Variants in PDGFD observed in about 807,000 individuals in gnomAD.
PDGFD encodes the protein platelet-derived growth factor D.
Under a neutral mutation model 44.7 loss-of-function variants are expected in PDGFD, and 30 were observed. The observed-to-expected ratio is 0.67, with a 90% CI of 0.50 to 0.91. The LOEUF is 0.91. Among genes scored for constraint, PDGFD ranks in the 40% least tolerant of loss-of-function variants. PDGFD has a pLI of 0.00. For missense variants in PDGFD, 445 were observed against 457.8 expected (o/e 0.97, Z 0.25); for synonymous variants, 173 against 168.4 (o/e 1.03, Z -0.21).
At chr11:104,081,042 TAGTAGAG>T (rs1479200712) in intron 1 of PDGFD, among the ~76,000 whole-genome samples, 2 of 152,192 alleles carry the variant, frequency 1.3e-5, no homozygotes, top group African/African-American at 2.4e-5. Flanking sequence ...ATAAAACAAT[TAGTAGAG>T]TCAGAACTGT....
At chr11:104,131,471 T>C (rs1391022474) in intron 1 of PDGFD, among the ~76,000 whole-genome samples, 1 of 152,046 alleles carries the variant, frequency 6.6e-6, no homozygotes, top group Non-Finnish European at 1.5e-5. Flanking sequence ...TAACTTTTTA[T>C]TTGTTTACTA....
intron 1 of PDGFD, among the ~76,000 whole-genome samples, chr11:104,043,670 T>C (rs1253482591): frequency 6.6e-6 from 1 of 152,226 alleles, no homozygotes; most frequent in Non-Finnish European, 1.5e-5. Flanking sequence ...CACCAGCATC[T>C]GCTTCTGGTG....
chr11:104,061,717 C>T (rs1860720271), intron 1 of PDGFD, among the ~76,000 whole-genome samples: 2 of 152,310 alleles, frequency 1.3e-5, no homozygotes, highest in Middle Eastern at 3.4e-3. Context: ...TCAAGCCATG[C>T]CTGCCTCAGC....
At chr11:104,083,034 C>A (rs1381399611) in intron 1 of PDGFD, among the ~76,000 whole-genome samples, 1 of 152,188 alleles carries the variant, frequency 6.6e-6, no homozygotes, top group African/African-American at 2.4e-5. Flanking sequence ...TCTTCAAAAT[C>A]TTCTTTTTGT....
chr11:103,961,770 C>G (rs1050480442), intron 3 of PDGFD, among the ~76,000 whole-genome samples: 1 of 152,180 alleles, frequency 6.6e-6, no homozygotes, highest in Non-Finnish European at 1.5e-5. Context: ...CGTCACTGCT[C>G]TCACAGAGCT....
chr11:104,003,040 C>G (rs754322248), intron 1 of PDGFD, among the ~76,000 whole-genome samples: 1 of 152,008 alleles, frequency 6.6e-6, no homozygotes, highest in African/African-American at 2.4e-5. Context: ...GTTTCAGATG[C>G]TATGTTAGAT....
At position 104,124,885 on chromosome 11, in the gene PDGFD, TA is replaced by T. The variant is rs543031682; in HGVS notation, c.124+38918del. ...CTTTTGTGACTATTCAAGAAGAATA[TA>T]AAAAAAATGATCATTTAGCTAGTAT... On this transcript the variant is annotated intron_variant, in intron 1 of 6. Transcript: ENST00000393158. 2.7e-3 allele frequency among the ~76,000 whole-genome samples: 412 copies of T among 151,982 alleles called. 1 individual carries two copies. Among genetic ancestry groups the T allele is most frequent in the Middle Eastern group, 0.014 (4 of 294 alleles).
At chr11:104,112,216 A>G (rs563299981) in intron 1 of PDGFD, among the ~76,000 whole-genome samples, 1 of 151,856 alleles carries the variant, frequency 6.6e-6, no homozygotes, top group South Asian at 2.1e-4. Flanking sequence ...CTTTTTAATA[A>G]TAGCCATTCT....
At chr11:104,100,745 A>G (rs1458569406) in intron 1 of PDGFD, among the ~76,000 whole-genome samples, 2 of 152,192 alleles carry the variant, frequency 1.3e-5, no homozygotes, top group African/African-American at 4.8e-5. Context: ...CAAAAAGCTT[A>G]TCCACCATGA....
chr11:104,032,018 A>G (rs1317617656), intron 1 of PDGFD, among the ~76,000 whole-genome samples: 1 of 152,154 alleles, frequency 6.6e-6, no homozygotes, highest in Non-Finnish European at 1.5e-5. Flanking sequence ...AGGGGAGAGC[A>G]TGAGGAAAAA....
intron 3 of PDGFD, among the ~76,000 whole-genome samples, chr11:103,955,440 A>C (rs1054829064): frequency 3.9e-5 from 6 of 152,192 alleles, no homozygotes; most frequent in Non-Finnish European, 7.3e-5. Context: ...AAATGATATT[A>C]CACTAATGTC....
At chr11:103,942,723 A>G (rs1483405386) in intron 5 of PDGFD, among the ~76,000 whole-genome samples, 1 of 152,140 alleles carries the variant, frequency 6.6e-6, no homozygotes, top group Non-Finnish European at 1.5e-5. Context: ...TCCTGCCAAC[A>G]CTGACATCCC....
At chr11:103,955,130 C>CTCCA (rs1288140833) in intron 3 of PDGFD, among the ~76,000 whole-genome samples, 1 of 121,976 alleles carries the variant, frequency 8.2e-6, no homozygotes, top group Non-Finnish European at 1.6e-5. Context: ...CGCCACTGCA[C>CTCCA]TCCAGCCTGG....
intron 1 of PDGFD, among the ~76,000 whole-genome samples, chr11:104,092,315 T>C (rs1861222585): frequency 6.6e-6 from 1 of 152,214 alleles, no homozygotes; most frequent in South Asian, 2.1e-4. Context: ...TATTAACTCA[T>C]TAAATCCTCA....
At chr11:104,148,582 T>C (rs1265123417) in intron 1 of PDGFD, among the ~76,000 whole-genome samples, 1 of 152,138 alleles carries the variant, frequency 6.6e-6, no homozygotes, top group Non-Finnish European at 1.5e-5. Context: ...AAATAAAATA[T>C]ATTATTACAT....
intron 1 of PDGFD, among the ~76,000 whole-genome samples, chr11:104,002,389 G>T (rs527973698): frequency 2.6e-5 from 4 of 152,242 alleles, no homozygotes; most frequent in African/African-American, 7.2e-5. Flanking sequence ...GAGTTCTCAT[G>T]AAATCTGATG....
chr11:104,141,353 C>T (rs374439946), intron 1 of PDGFD, among the ~76,000 whole-genome samples: 1 of 151,674 alleles, frequency 6.6e-6, no homozygotes, highest in Non-Finnish European at 1.5e-5. Context: ...GTGCTTGCTT[C>T]GGCAGCACAT....
intron 1 of PDGFD, among the ~76,000 whole-genome samples, chr11:104,013,387 G>A (rs113376156): frequency 2.2e-4 from 34 of 152,230 alleles, no homozygotes; most frequent in African/African-American, 1.2e-4. Context: ...TTAGCCATCC[G>A]TGGATGGCAA....
At chr11:104,017,716 A>G (rs1859879946) in intron 1 of PDGFD, among the ~76,000 whole-genome samples, 1 of 152,186 alleles carries the variant, frequency 6.6e-6, no homozygotes, top group South Asian at 2.1e-4. Context: ...CAGTCAAGGG[A>G]CATTGCTTAT....
Sources: allele counts gnomAD v4.1 joint callset (sites outside exome capture counted in the v4.1 genomes callset), GRCh38; gene constraint gnomAD v4.1.1; transcripts MANE v1.5; gene names NCBI Gene and HGNC (gene_info 2026-07-23, HGNC 2026-07-21).